DCAF6: variants seen among roughly 807,000 people sequenced by gnomAD.
The protein encoded by DCAF6 is DDB1 and CUL4 associated factor 6.
In DCAF6, 54 loss-of-function variants were observed where a neutral mutation model predicts 125.1. The ratio of observed to expected loss-of-function variants is 0.43; its 90% CI spans 0.35 to 0.54. The LOEUF is 0.54. DCAF6 is among the 20% of genes least tolerant of loss of function. The pLI is 0.01. For missense variants in DCAF6, 934 were observed against 1,161.7 expected, an observed-to-expected ratio of 0.80 and a Z score of 2.85; for synonymous variants, 371 against 390.4, an observed-to-expected ratio of 0.95 and a Z score of 0.58.
At chr1:168,026,348 G>A (rs1686344024) in intron 12 of DCAF6, among the ~76,000 whole-genome samples, 1 of 152,132 alleles carries the variant, frequency 6.6e-6, no homozygotes, top group Admixed American at 6.5e-5. Flanking sequence ...AAGAGCTGTA[G>A]GGATTACTTC....
chr1:168,059,302 A>G (rs372023431), intron 17 of DCAF6, among the ~76,000 whole-genome samples: 1 of 152,310 alleles, frequency 6.6e-6, no homozygotes, highest in East Asian at 1.9e-4. Context: ...CTGCTATCCC[A>G]CCTATGTCAT....
At chr1:167,892,793 A>T in the DCAF6 span, among the ~76,000 whole-genome samples, 2 of 152,192 alleles carry the variant, frequency 1.3e-5, no homozygotes, top group African/African-American at 4.8e-5. Flanking sequence ...CAGCATTTTG[A>T]TGGGACTAAG....
At chr1:167,926,895 T>C in the DCAF6 span, among the ~76,000 whole-genome samples, 1 of 152,166 alleles carries the variant, frequency 6.6e-6, no homozygotes, top group African/African-American at 2.4e-5. Context: ...CAAGGAAGCC[T>C]TAAAAAACAA....
the DCAF6 span, among the ~76,000 whole-genome samples, chr1:167,885,247 C>CATGG: frequency 1.2e-4 from 19 of 152,306 alleles, no homozygotes; most frequent in South Asian, 1.9e-3. Context: ...CTGCAGTAAA[C>CATGG]ATGGGAGTGT....
At chr1:168,025,791 A>G (rs150530302) in intron 12 of DCAF6, among the ~76,000 whole-genome samples, 201 of 152,328 alleles carry the variant, frequency 1.3e-3, no homozygotes, top group Non-Finnish European at 2.0e-3. Flanking sequence ...AGATGTAAAT[A>G]TAATCATGTG....
chr1:168,029,274 T>C (rs1686742329), intron 12 of DCAF6, among the ~76,000 whole-genome samples: 1 of 152,226 alleles, frequency 6.6e-6, no homozygotes, highest in Non-Finnish European at 1.5e-5. Context: ...ATCATCTAAT[T>C]TGTGCTAACA....
At chr1:167,863,696 A>G in the DCAF6 span, among the ~76,000 whole-genome samples, 6 of 152,200 alleles carry the variant, frequency 3.9e-5, no homozygotes, top group African/African-American at 1.4e-4. Context: ...AGTGACGCGG[A>G]TCCTGAGAGC....
At chr1:167,985,267 CAA>C (rs1679833169) in intron 4 of DCAF6, among the ~76,000 whole-genome samples, 3 of 151,792 alleles carry the variant, frequency 2.0e-5, no homozygotes, top group Admixed American at 2.0e-4. Flanking sequence ...CTTAAAGTAA[CAA>C]ATTTATTATC....
At chr1:168,044,282 A>G (rs1688884858) in intron 14 of DCAF6, among the ~76,000 whole-genome samples, 1 of 152,190 alleles carries the variant, frequency 6.6e-6, no homozygotes, top group African/African-American at 2.4e-5. Flanking sequence ...ATTTGGCCCT[A>G]CATGCCCATG....
intron 4 of DCAF6, among the ~76,000 whole-genome samples, chr1:167,977,056 C>A (rs1407649763): frequency 2.0e-5 from 3 of 151,328 alleles, no homozygotes; most frequent in African/African-American, 7.3e-5. Flanking sequence ...TGCATACCAC[C>A]ACTCCTGGCT....
At chr1:167,955,227 G>A (rs554978612) in intron 2 of DCAF6, among the ~76,000 whole-genome samples, 20 of 152,160 alleles carry the variant, frequency 1.3e-4, no homozygotes, top group Non-Finnish European at 4.4e-5. Flanking sequence ...AAATAAAGTT[G>A]CCATGAATAT....
the DCAF6 span, among the ~76,000 whole-genome samples, chr1:167,874,548 C>A: frequency 8.3e-6 from 1 of 120,266 alleles, no homozygotes; most frequent in Non-Finnish European, 1.7e-5. Context: ...TAAATAAATA[C>A]AACCATTTTG....
chr1:167,906,855 AC>A, the DCAF6 span, among the ~76,000 whole-genome samples: 1 of 152,196 alleles, frequency 6.6e-6, no homozygotes, highest in Non-Finnish European at 1.5e-5. Flanking sequence ...TGAAAGACTT[AC>A]AAAAAATGCT....
intron 7 of DCAF6, among the ~76,000 whole-genome samples, chr1:167,996,902 A>G (rs1681794086): frequency 6.6e-6 from 1 of 152,056 alleles, no homozygotes; most frequent in South Asian, 2.1e-4. Flanking sequence ...ATCCTATTTA[A>G]AATCACGGCC....
rs150910974 is a variant in DCAF6, at chr1:168,061,407, A to G, written c.2301-2214A>G. 5.6e-3 allele frequency among the ~76,000 whole-genome samples: 859 copies of G among 152,304 alleles called. 7 individuals are homozygous for G. Among genetic ancestry groups the G allele is most frequent in the African/African-American group, 0.018 (764 of 41,576 alleles). On this transcript the variant is annotated intron_variant, in intron 17 of 21. Transcript: ENST00000367840. Reference sequence around the variant, plus strand: ...ATTATTTTAAAAATTGTTAGTCACAATTTAATGTCCATCTTTCCAAACCCT... The same window carrying G: ...ATTATTTTAAAAATTGTTAGTCACAGTTTAATGTCCATCTTTCCAAACCCT...
chr1:167,895,941 C>T, the DCAF6 span, among the ~76,000 whole-genome samples: 1 of 151,860 alleles, frequency 6.6e-6, no homozygotes. Context: ...TGATTTGAGA[C>T]GTAAAGGCAA....
At chr1:167,997,498 T>A (rs979096861) in intron 7 of DCAF6, among the ~76,000 whole-genome samples, 2 of 150,818 alleles carry the variant, frequency 1.3e-5, no homozygotes, top group Non-Finnish European at 2.9e-5. Flanking sequence ...TAATATGGAA[T>A]TTATGGGGAT....
At chr1:167,986,155 T>C (rs1414070017) in intron 4 of DCAF6, among the ~76,000 whole-genome samples, 1 of 152,242 alleles carries the variant, frequency 6.6e-6, no homozygotes, top group Admixed American at 6.5e-5. Flanking sequence ...TTGGCTAATA[T>C]AAATAGTGCT....
intron 6 of DCAF6, among the ~76,000 whole-genome samples, chr1:167,992,879 G>A (rs1484421112): frequency 2.0e-5 from 3 of 152,120 alleles, no homozygotes; most frequent in Admixed American, 6.5e-5. Flanking sequence ...TTAGCTTTTT[G>A]TAAAAATTTG....
Sources: allele counts gnomAD v4.1 joint callset (sites outside exome capture counted in the v4.1 genomes callset), GRCh38; gene constraint gnomAD v4.1.1; transcripts MANE v1.5; gene names NCBI Gene and HGNC (gene_info 2026-07-23, HGNC 2026-07-21).